The following ATF2 variants were observed in gnomAD, a reference collection of about 807,000 sequenced individuals.
The protein encoded by ATF2 is cyclic AMP-dependent transcription factor ATF-2.
Under a neutral mutation model 60.6 loss-of-function variants are expected in ATF2, and 24 were observed. The ratio of observed to expected loss-of-function variants is 0.40; its 90% confidence interval spans 0.29 to 0.56. The LOEUF is 0.56. Ranked by LOEUF, ATF2 falls within the 20% of genes least tolerant of loss-of-function variation. The pLI is 0.54. For missense variants in ATF2, 433 were observed against 607.7 expected, an observed-to-expected ratio of 0.71 and a Z score of 3.02; for synonymous variants, 206 against 215.4, an observed-to-expected ratio of 0.96 and a Z score of 0.38.
chr2:175,095,104 CTTTTTT>C (rs914424296), intron 11 of ATF2, among the ~76,000 whole-genome samples: 1 of 145,422 alleles, frequency 6.9e-6, no homozygotes, highest in Non-Finnish European at 1.5e-5. Flanking sequence ...TTTTCTTTTT[CTTTTTT>C]TTTTTGAGAT....
intron 12 of ATF2, among the ~76,000 whole-genome samples, chr2:175,083,737 C>G (rs1693933348): frequency 6.6e-6 from 1 of 152,100 alleles, no homozygotes; most frequent in Non-Finnish European, 1.5e-5. Context: ...ATTTTCGCAA[C>G]CTACTTATCT....
At chr2:175,090,433 CT>C (rs1197017817) in intron 12 of ATF2, among the ~76,000 whole-genome samples, 2 of 152,070 alleles carry the variant, frequency 1.3e-5, no homozygotes, top group African/African-American at 2.4e-5. Flanking sequence ...CAACAACTTT[CT>C]TTTTGCCCAT....
chr2:175,158,862 T>G (rs1362260469), intron 1 of ATF2, among the ~76,000 whole-genome samples: 1 of 152,188 alleles, frequency 6.6e-6, no homozygotes, highest in Non-Finnish European at 1.5e-5. Flanking sequence ...ATACACAGAA[T>G]AGTGCATGAC....
At position 175,131,559 on chromosome 2, in the gene ATF2, C is replaced by G. The variant is rs191295727; in HGVS notation, c.33-1352G>C. On this transcript the variant is annotated intron_variant, in intron 3 of 13. Transcript: ENST00000264110. ...CTACACAATCTGTGAGCATTATAAG[C>G]TATTTTATAACTAAATTTGGAACAC... Among the ~76,000 whole-genome samples, 9 of 152,278 alleles carry G rather than the reference C, an allele frequency of 5.9e-5. No homozygotes were observed. The East Asian group carries it at 1.7e-3, about 29-fold the overall frequency.
In ATF2 at chr2:175,136,494, A is replaced by G. The variant is rs759765395; in HGVS notation, c.-43-8T>C. 5.8e-6 allele frequency: 9 copies of G among 1,541,084 alleles called. No individual in the cohort carries two copies. Among genetic ancestry groups the G allele is most frequent in the Non-Finnish European group, 8.0e-6 (9 of 1,121,946 alleles). ...TTTCTCATGGCAAGAATACTGAAAA[A>G]CAAAGTGGTTTCACACTGTTAAAAA... On this transcript the variant is annotated splice_polypyrimidine_tract_variant and splice_region_variant and intron_variant, in intron 2 of 13. Transcript: ENST00000264110.
At chr2:175,098,092 C>A (rs1333293538) in intron 10 of ATF2, among the ~76,000 whole-genome samples, 1 of 152,148 alleles carries the variant, frequency 6.6e-6, no homozygotes, top group African/African-American at 2.4e-5. Flanking sequence ...TTGTCATATG[C>A]AACTATTTTA....
chr2:175,077,052 G>GT (rs2105523606), intron 13 of ATF2, among the ~76,000 whole-genome samples: 1 of 150,008 alleles, frequency 6.7e-6, no homozygotes, highest in South Asian at 2.1e-4. Context: ...GCAGTGTTTG[G>GT]TTTTTTGTCC....
At chr2:175,089,696 A>T (rs1186693032) in intron 12 of ATF2, among the ~76,000 whole-genome samples, 1 of 152,192 alleles carries the variant, frequency 6.6e-6, no homozygotes, top group African/African-American at 2.4e-5. Flanking sequence ...TGTCACTTTT[A>T]AAAAACTTAT....
intron 2 of ATF2, among the ~76,000 whole-genome samples, chr2:175,143,064 CTAA>C (rs1559110432): frequency 6.6e-6 from 1 of 152,054 alleles, no homozygotes; most frequent in Non-Finnish European, 1.5e-5. Flanking sequence ...TTGTTATATC[CTAA>C]TAATGTAAAC....
chr2:175,090,236 T>G (rs1288035520), intron 12 of ATF2, among the ~76,000 whole-genome samples: 4 of 152,290 alleles, frequency 2.6e-5, no homozygotes, highest in African/African-American at 9.6e-5. Flanking sequence ...TTCTGGGTAT[T>G]TCACATAAAT....
At chr2:175,167,463 T>A (rs1026780301) in intron 1 of ATF2, among the ~76,000 whole-genome samples, 6 of 151,894 alleles carry the variant, frequency 4.0e-5, no homozygotes, top group African/African-American at 1.5e-4. Context: ...GCTCCTAGGT[T>A]CTCCACACCA....
At chr2:175,148,993 C>CT (rs1341400120) in intron 2 of ATF2, among the ~76,000 whole-genome samples, 1 of 152,108 alleles carries the variant, frequency 6.6e-6, no homozygotes, top group African/African-American at 2.4e-5. Context: ...TCAGGGTCTC[C>CT]TAGGTTGTGT....
chr2:175,159,353 C>T (rs903737406), intron 1 of ATF2, among the ~76,000 whole-genome samples: 6 of 152,026 alleles, frequency 3.9e-5, no homozygotes, highest in Non-Finnish European at 8.8e-5. Flanking sequence ...AATCTTTAAC[C>T]CATGATTCTG....
At chr2:175,126,549 T>C (rs1373756197) in intron 4 of ATF2, among the ~76,000 whole-genome samples, 1 of 152,204 alleles carries the variant, frequency 6.6e-6, no homozygotes, top group Non-Finnish European at 1.5e-5. Flanking sequence ...GTTTTTCACA[T>C]ATATAGTTAA....
At chr2:175,092,116 T>TA (rs1196903132) in intron 12 of ATF2, among the ~76,000 whole-genome samples, 1 of 152,214 alleles carries the variant, frequency 6.6e-6, no homozygotes, top group African/African-American at 2.4e-5. Context: ...TTATAAAACT[T>TA]ACATTTGGTT....
At chr2:175,135,103 A>G (rs552654904) in intron 3 of ATF2, among the ~76,000 whole-genome samples, 1 of 151,542 alleles carries the variant, frequency 6.6e-6, no homozygotes, top group East Asian at 1.9e-4. Flanking sequence ...GGCATGGAGA[A>G]GGGGGAGGAG....
At position 175,074,385 on chromosome 2, in the gene ATF2, AATAAT is replaced by A; in HGVS notation, c.*219_*223del. The A allele has an allele frequency of 2.8e-6, 1 of 351,830 alleles. No individual in the cohort carries two copies. Among genetic ancestry groups the A allele is most frequent in the Non-Finnish European group, 5.1e-6 (1 of 197,662 alleles). 21.8% of individuals were successfully genotyped at this position (351,830 alleles called of 1,614,324 possible). On this transcript the variant is annotated 3_prime_UTR_variant, in exon 14 of 14. Coordinates refer to ENST00000264110, the MANE Select transcript of ATF2 (RefSeq NM_001880.4). ...TGAGCACAGAAAAATTAATAAATCTAATAATATTTATAAAAAAAGCAAAATCAGTC... is the reference window on the plus strand; with the variant it reads ...TGAGCACAGAAAAATTAATAAATCTAATTTATAAAAAAAGCAAAATCAGTC...
In ATF2 at chr2:175,135,980, G is replaced by A. The variant is rs909941329; in HGVS notation, c.32+432C>T. Among the ~76,000 whole-genome samples, 18 of 151,434 alleles carry A rather than the reference G, an allele frequency of 1.2e-4. No individual in the cohort carries two copies. The South Asian group carries it at 2.5e-3, about 21-fold the overall frequency. Reference sequence around the variant, plus strand: ...AAAAAAGGTGTGGCCAAACAAATCCGGGAAATGCTAAAATATACTTTTCTT... The same window carrying A: ...AAAAAAGGTGTGGCCAAACAAATCCAGGAAATGCTAAAATATACTTTTCTT... On this transcript the variant is annotated intron_variant, in intron 3 of 13. Coordinates refer to ENST00000264110, the MANE Select transcript of ATF2 (RefSeq NM_001880.4).
At chr2:175,163,906 G>C (rs1700175730) in intron 1 of ATF2, among the ~76,000 whole-genome samples, 1 of 4,984 alleles carries the variant, frequency 2.0e-4, no homozygotes, top group Non-Finnish European at 4.4e-4. Flanking sequence ...GGGTGACATA[G>C]CAACTCCGTC....
Sources: gnomAD v4.1 joint callset for allele counts (sites outside exome capture counted in the v4.1 genomes callset) on GRCh38, gnomAD v4.1.1 for gene constraint, MANE v1.5 for transcripts, NCBI Gene and HGNC (gene_info 2026-07-23, HGNC 2026-07-21) for gene names.